The following SLC39A11 variants were observed in gnomAD, a reference collection of about 807,000 sequenced individuals.
SLC39A11 encodes the protein solute carrier family 39 member 11, also known as zinc transporter ZIP11.
SLC39A11 carries 33 observed loss-of-function variants against 36.1 expected under a neutral mutation model. The observed-to-expected ratio is 0.91, with a 90% CI of 0.69 to 1.22. The LOEUF (loss-of-function observed/expected upper bound fraction) is 1.22. SLC39A11 is among the 50% of genes most tolerant of loss of function. The pLI is 0.00. For synonymous variants in SLC39A11, 166 were observed against 170.3 expected (o/e 0.97, Z 0.20); for missense variants, 432 against 430.3 (o/e 1.00, Z -0.03).
Position 72,730,039 on chromosome 17 carries a change from C to T in SLC39A11, c.671+6611G>A, listed in dbSNP as rs74929937. Among the ~76,000 whole-genome samples, 3 of 152,316 alleles carry T rather than the reference C, an allele frequency of 2.0e-5. No homozygotes were observed. In the East Asian group the frequency reaches 5.8e-4, roughly 29 times the overall value. Reference sequence around the variant, plus strand: ...TTCTGACTCTCTCTGTGGCAGAGCACTCTAATCCATTTTAGGAACCCTCAC... The same window carrying T: ...TTCTGACTCTCTCTGTGGCAGAGCATTCTAATCCATTTTAGGAACCCTCAC... On this transcript the variant is annotated intron_variant, in intron 7 of 9. Transcript: ENST00000255559.
At chr17:72,718,523 C>G (rs2073510062) in intron 7 of SLC39A11, among the ~76,000 whole-genome samples, 1 of 152,028 alleles carries the variant, frequency 6.6e-6, no homozygotes, top group Non-Finnish European at 1.5e-5. Context: ...ATTTTCACAA[C>G]TGAGTTGACC....
intron 7 of SLC39A11, among the ~76,000 whole-genome samples, chr17:72,708,579 T>C (rs1465092520): frequency 6.6e-6 from 1 of 152,132 alleles, no homozygotes; most frequent in Admixed American, 6.6e-5. Flanking sequence ...TGTTACCTCA[T>C]CTCCTAATAT....
intron 7 of SLC39A11, among the ~76,000 whole-genome samples, chr17:72,649,644 CT>C (rs5821920): frequency 1.5e-3 from 204 of 138,160 alleles, no homozygotes; most frequent in Middle Eastern, 3.7e-3. Context: ...TTTTCTTTTT[CT>C]TTTTTTTTTT....
intron 5 of SLC39A11, among the ~76,000 whole-genome samples, chr17:72,852,767 G>A (rs1479614266): frequency 6.6e-6 from 1 of 152,196 alleles, no homozygotes; most frequent in East Asian, 1.9e-4. Flanking sequence ...TGCTGGTTGA[G>A]AAACTGAACT....
chr17:72,957,894 G>A (rs1423916150), intron 4 of SLC39A11, among the ~76,000 whole-genome samples: 1 of 152,154 alleles, frequency 6.6e-6, no homozygotes, highest in Non-Finnish European at 1.5e-5. Flanking sequence ...GGAGGCTAAG[G>A]CAGGAGAATC....
chr17:72,964,556 G>C (rs1045303469), intron 4 of SLC39A11, among the ~76,000 whole-genome samples: 1 of 152,200 alleles, frequency 6.6e-6, no homozygotes, highest in Non-Finnish European at 1.5e-5. Flanking sequence ...TGAAGTAAAA[G>C]ACTGTAAATT....
chr17:72,900,217 G>A (rs28366752), intron 5 of SLC39A11, among the ~76,000 whole-genome samples: 47,237 of 107,270 alleles, frequency 0.44, 13,813 homozygotes, highest in East Asian at 0.67. Context: ...AAGAAAGAAA[G>A]AAAGAAAGAA....
intron 6 of SLC39A11, among the ~76,000 whole-genome samples, chr17:72,771,090 T>TA (rs985294982): frequency 4.6e-5 from 7 of 151,086 alleles, no homozygotes; most frequent in African/African-American, 1.7e-4. Context: ...GTTGCTTATT[T>TA]AAAAAAAATC....
At chr17:72,822,344 AATAT>A (rs200478151) in intron 6 of SLC39A11, among the ~76,000 whole-genome samples, 1 of 148,302 alleles carries the variant, frequency 6.7e-6, no homozygotes, top group African/African-American at 2.5e-5. Context: ...AGAGAGAAAG[AATAT>A]ATATATAGAG....
At chr17:73,040,388 C>A (rs1431069601) in intron 3 of SLC39A11, among the ~76,000 whole-genome samples, 2 of 152,166 alleles carry the variant, frequency 1.3e-5, no homozygotes, top group Admixed American at 6.5e-5. Flanking sequence ...CCTCCCTCTG[C>A]TGTAAATTAC....
intron 5 of SLC39A11, among the ~76,000 whole-genome samples, chr17:72,931,001 G>A (rs1306448818): frequency 4.6e-5 from 7 of 152,142 alleles, no homozygotes; most frequent in East Asian, 1.9e-4. Context: ...GCTGCACTGG[G>A]GCTGCACGTG....
At chr17:72,912,506 C>G (rs2083075178) in intron 5 of SLC39A11, among the ~76,000 whole-genome samples, 1 of 151,306 alleles carries the variant, frequency 6.6e-6, no homozygotes, top group African/African-American at 2.4e-5. Context: ...ATGATCACAG[C>G]TTTCTGCAGC....
At chr17:72,898,709 C>T (rs1157830341) in intron 5 of SLC39A11, among the ~76,000 whole-genome samples, 8 of 152,212 alleles carry the variant, frequency 5.3e-5, no homozygotes, top group African/African-American at 1.9e-4. Context: ...TATACACTCA[C>T]GTAGACACTC....
At chr17:72,729,405 TTATA>T (rs1162603035) in intron 7 of SLC39A11, among the ~76,000 whole-genome samples, 44 of 29,222 alleles carry the variant, frequency 1.5e-3, no homozygotes, top group East Asian at 3.6e-3. Flanking sequence ...ACCTGGCTAT[TTATA>T]TATATATATA....
intron 3 of SLC39A11, among the ~76,000 whole-genome samples, chr17:73,078,461 G>GT (rs1219666459): frequency 6.6e-6 from 1 of 151,028 alleles, no homozygotes; most frequent in Admixed American, 6.6e-5. Flanking sequence ...AAATAAAACT[G>GT]TTTCATTAGT....
intron 4 of SLC39A11, among the ~76,000 whole-genome samples, chr17:72,949,232 T>C (rs2085684384): frequency 1.6e-5 from 2 of 128,566 alleles, no homozygotes; most frequent in Non-Finnish European, 1.6e-5. Flanking sequence ...CAATCTCAGC[T>C]CACAGCAACC....
intron 7 of SLC39A11, among the ~76,000 whole-genome samples, chr17:72,728,834 G>A (rs180917133): frequency 6.7e-4 from 102 of 152,196 alleles, no homozygotes; most frequent in African/African-American, 2.3e-3. Context: ...TCCACGGCAC[G>A]AGATTAACCT....
At chr17:72,980,092 A>C (rs961421841) in intron 4 of SLC39A11, among the ~76,000 whole-genome samples, 3 of 152,174 alleles carry the variant, frequency 2.0e-5, no homozygotes, top group Admixed American at 1.3e-4. Context: ...CACCAACAAT[A>C]GCGGGACCCA....
intron 5 of SLC39A11, among the ~76,000 whole-genome samples, chr17:72,909,750 CTTTTTTT>C (rs56091262): frequency 0.15 from 21,824 of 144,670 alleles, 1,601 homozygotes; most frequent in South Asian, 0.2. Context: ...TTTCTTTTTT[CTTTTTTT>C]TTTTTTGAGA....
Sources: allele counts gnomAD v4.1 joint callset (sites outside exome capture counted in the v4.1 genomes callset), GRCh38; gene constraint gnomAD v4.1.1; transcripts MANE v1.5; gene names NCBI Gene and HGNC (gene_info 2026-07-23, HGNC 2026-07-21).